The following TNFRSF19 variants were observed in gnomAD, a reference collection of about 807,000 sequenced individuals.
The protein encoded by TNFRSF19 is tumor necrosis factor receptor superfamily member 19.
Under a neutral mutation model 46.4 loss-of-function variants are expected in TNFRSF19, and 27 were observed. That is an observed-to-expected ratio of 0.58 (90% confidence interval 0.43 to 0.80). The LOEUF (loss-of-function observed/expected upper bound fraction) is 0.80, where lower values mean the gene tolerates loss of function less well. TNFRSF19 is among the 30% of genes least tolerant of loss of function. TNFRSF19 has a pLI of 0.00. For synonymous variants in TNFRSF19, 204 were observed against 205.0 expected, an observed-to-expected ratio of 1.00 and a Z score of 0.04; for missense variants, 511 against 530.8, an observed-to-expected ratio of 0.96 and a Z score of 0.37.
Position 23,669,093 on chromosome 13 carries a change from T to G in TNFRSF19, c.1241T>G (p.Leu414Arg), listed in dbSNP as rs762062107. 4 of 1,613,796 alleles carry G rather than the reference T, an allele frequency of 2.5e-6. No individual in the cohort carries two copies. Among genetic ancestry groups the G allele is most frequent in the South Asian group, 1.1e-5 (1 of 91,032 alleles). ...ATCCACCCAGCCACTCAGACGTCCCTCCAGGTAAGGCAGCGACTGGGTTCC... is the reference window on the plus strand; with the variant it reads ...ATCCACCCAGCCACTCAGACGTCCCGCCAGGTAAGGCAGCGACTGGGTTCC... ...AVIHPATQTS[L>R]QEA The change falls in exon 9 of 10, where the codon CTC (leucine) becomes CGC (arginine). Residue 414 changes from leucine to arginine, a missense_variant. Around this residue, in one of 3 missense-constraint regions of TNFRSF19, gnomAD observed 376 missense variants for 372.7 expected, o/e 1.01. Coordinates refer to ENST00000248484, the MANE Select transcript of TNFRSF19 (RefSeq NM_148957.4).
chr13:23,591,130 A>G (rs77095195), intron 2 of TNFRSF19, among the ~76,000 whole-genome samples: 2,528 of 152,308 alleles, frequency 0.017, 69 homozygotes, highest in African/African-American at 0.057. Flanking sequence ...AAAGATTTAC[A>G]CTGAAGACAG....
intron 5 of TNFRSF19, among the ~76,000 whole-genome samples, chr13:23,644,405 G>A (rs902573113): frequency 3.9e-5 from 6 of 152,170 alleles, no homozygotes; most frequent in Admixed American, 1.3e-4. Flanking sequence ...GGTTTTATAA[G>A]GGGCTTTCCC....
At chr13:23,623,887 G>A (rs1881831246) in intron 4 of TNFRSF19, among the ~76,000 whole-genome samples, 1 of 151,988 alleles carries the variant, frequency 6.6e-6, no homozygotes, top group Admixed American at 6.6e-5. Context: ...CCCTTTATCA[G>A]ACATATGATT....
intron 5 of TNFRSF19, among the ~76,000 whole-genome samples, chr13:23,639,267 C>A (rs1436955844): frequency 2.0e-5 from 3 of 152,012 alleles, no homozygotes; most frequent in Non-Finnish European, 4.4e-5. Context: ...GTGGTGTGGG[C>A]CTGTAATCCC....
chr13:23,582,609 G>C (rs1257154227), intron 1 of TNFRSF19, among the ~76,000 whole-genome samples: 1 of 152,108 alleles, frequency 6.6e-6, no homozygotes, highest in Non-Finnish European at 1.5e-5. Flanking sequence ...TTATAATTAG[G>C]TAAGTTTTGA....
chr13:23,644,417 C>A (rs752532372), intron 5 of TNFRSF19, among the ~76,000 whole-genome samples: 3 of 152,142 alleles, frequency 2.0e-5, no homozygotes, highest in East Asian at 1.9e-4. Context: ...GGCTTTCCCC[C>A]CTTTGCTTGG....
At chr13:23,627,133 T>G (rs1188004123) in intron 5 of TNFRSF19, among the ~76,000 whole-genome samples, 1 of 152,188 alleles carries the variant, frequency 6.6e-6, no homozygotes, top group East Asian at 1.9e-4. Context: ...CTTCGTGCCC[T>G]GGCCCCATGA....
rs561124841 is a variant in TNFRSF19, at chr13:23,656,481, T to C, written c.446-2569T>C. ...ATAAGAACTTAAAGGACTCTAATTA[T>C]GATACTACTTTAACCCAAAATCCCT... On this transcript the variant is annotated intron_variant, in intron 5 of 9. Coordinates refer to ENST00000248484, the MANE Select transcript of TNFRSF19 (RefSeq NM_148957.4). Among the ~76,000 whole-genome samples the C allele has an allele frequency of 4.7e-4, 71 of 152,338 alleles. No individual in the cohort carries two copies. In the South Asian group the frequency reaches 7.5e-3, roughly 16 times the overall value.
chr13:23,670,583 AT>A (rs1361265118), intron 9 of TNFRSF19, among the ~76,000 whole-genome samples: 1 of 152,232 alleles, frequency 6.6e-6, no homozygotes, highest in Non-Finnish European at 1.5e-5. Context: ...TAAAATTGTT[AT>A]GATAATAAAT....
At chr13:23,586,573 C>T (rs1452498464) in intron 1 of TNFRSF19, among the ~76,000 whole-genome samples, 2 of 152,168 alleles carry the variant, frequency 1.3e-5, no homozygotes, top group African/African-American at 4.8e-5. Context: ...TCCCCTGTCT[C>T]GGCGTGGTGA....
At chr13:23,588,245 T>G (rs1008070578) in intron 1 of TNFRSF19, among the ~76,000 whole-genome samples, 1 of 152,172 alleles carries the variant, frequency 6.6e-6, no homozygotes, top group African/African-American at 2.4e-5. Flanking sequence ...TATTCCAGGT[T>G]GCACAGCTCA....
In TNFRSF19 at chr13:23,673,704, T is replaced by C. The variant is rs1295768875; in HGVS notation, c.*324T>C. On this transcript the variant is annotated 3_prime_UTR_variant, in exon 10 of 10. Transcript: ENST00000248484. ...GGCAGCCTATGAGATTGTGGACATA[T>C]AACAAGAAACAGAAATGCCCTCATG... is the stretch of plus-strand genomic sequence containing the variant. 1.9e-5 allele frequency: 8 copies of C among 425,008 alleles called. No homozygotes were observed. The highest frequency in any genetic ancestry group is 1.0e-4 in the African/African-American group (5 of 48,836). The allele number at this position is 425,008 out of a possible 1,614,324, so 26.3% of individuals were successfully genotyped here. A position where few individuals can be genotyped will look rare whatever the true frequency, so the allele number is the denominator to read the frequency against.
At chr13:23,641,384 C>T (rs1412735570) in intron 5 of TNFRSF19, among the ~76,000 whole-genome samples, 1 of 152,188 alleles carries the variant, frequency 6.6e-6, no homozygotes, top group Non-Finnish European at 1.5e-5. Flanking sequence ...CCAGGCTAAA[C>T]TGCAGTGGCA....
chr13:23,578,353 C>T (rs1026317994), intron 1 of TNFRSF19, among the ~76,000 whole-genome samples: 1 of 151,952 alleles, frequency 6.6e-6, no homozygotes, highest in Non-Finnish European at 1.5e-5. Flanking sequence ...AAATATACAA[C>T]CTCTATCAAG....
intron 3 of TNFRSF19, among the ~76,000 whole-genome samples, chr13:23,611,308 A>G (rs1023568040): frequency 1.3e-5 from 2 of 151,828 alleles, no homozygotes; most frequent in Non-Finnish European, 2.9e-5. Flanking sequence ...CTCCAAATAC[A>G]GCACAGGCAA....
At chr13:23,593,691 T>A (rs1178273997) in intron 3 of TNFRSF19, among the ~76,000 whole-genome samples, 4 of 152,244 alleles carry the variant, frequency 2.6e-5, no homozygotes, top group Admixed American at 6.5e-5. Context: ...TTGTTTTATA[T>A]AATTTAAAAT....
At chr13:23,591,126 T>C (rs1879252065) in intron 2 of TNFRSF19, among the ~76,000 whole-genome samples, 1 of 152,160 alleles carries the variant, frequency 6.6e-6, no homozygotes, top group South Asian at 2.1e-4. Context: ...AAAGAAAGAT[T>C]TACACTGAAG....
chr13:23,579,931 G>A (rs77955533), intron 1 of TNFRSF19, among the ~76,000 whole-genome samples: 1,544 of 152,016 alleles, frequency 0.01, 34 homozygotes, highest in East Asian at 0.091. Flanking sequence ...CTGAGCCAGC[G>A]CGCGGCTGCA....
intron 7 of TNFRSF19, among the ~76,000 whole-genome samples, chr13:23,661,980 T>C (rs1025842923): frequency 1.3e-5 from 2 of 152,240 alleles, no homozygotes; most frequent in Non-Finnish European, 2.9e-5. Context: ...TCCCATTCTG[T>C]AGGTTGTCTG....
Sources: allele counts gnomAD v4.1 joint callset (sites outside exome capture counted in the v4.1 genomes callset), GRCh38; gene constraint gnomAD v4.1.1; regional missense constraint gnomAD v4.1.1; transcripts MANE v1.5; gene names NCBI Gene and HGNC (gene_info 2026-07-23, HGNC 2026-07-21).